Variants in CSNK1G1 observed in about 807,000 individuals in gnomAD.
CSNK1G1 encodes casein kinase I isoform gamma-1.
Under a neutral mutation model 59.6 loss-of-function variants are expected in CSNK1G1, and 22 were observed. That is an observed-to-expected ratio of 0.37 (90% CI 0.26 to 0.53). The LOEUF (loss-of-function observed/expected upper bound fraction) is 0.53. Ranked by LOEUF, CSNK1G1 falls within the 20% of genes least tolerant of loss-of-function variation. The pLI is 0.89. For synonymous variants in CSNK1G1, 179 were observed against 177.1 expected (o/e 1.01, Z -0.08); for missense variants, 384 against 519.5 (o/e 0.74, Z 2.54).
In CSNK1G1 at chr15:64,171,996, A is replaced by T. The variant is rs1284156362; in HGVS notation, c.1215-11T>A. ...AAGAAACAGCAGCACCTGGAGCACA[A>T]GGAACATTGCAAGTCAGTGCGGGAG... On this transcript the variant is annotated splice_polypyrimidine_tract_variant and intron_variant, in intron 11 of 11. Coordinates refer to ENST00000303052, the MANE Select transcript of CSNK1G1 (RefSeq NM_022048.5). This position sits in a 1 kb window ranked among gnomAD's most constrained non-coding sequence, Gnocchi z 4.8. 4.3e-6 allele frequency: 7 copies of T among 1,613,406 alleles called. No homozygotes were observed. The African/African-American group carries it at 6.7e-5, about 15-fold the overall frequency.
At chr15:64,314,099 G>T (rs948598385) in intron 1 of CSNK1G1, among the ~76,000 whole-genome samples, 1 of 152,112 alleles carries the variant, frequency 6.6e-6, no homozygotes, top group Non-Finnish European at 1.5e-5. Context: ...AATCAAAGAG[G>T]AAAGTTTTAT....
chr15:64,246,556 G>A (rs1443848392), intron 4 of CSNK1G1, among the ~76,000 whole-genome samples: 1 of 143,148 alleles, frequency 7.0e-6, no homozygotes, highest in Admixed American at 7.1e-5. Flanking sequence ...CAAAGAATTT[G>A]AGGCTGCAGC....
rs181461991 is a variant in CSNK1G1 at position 64,226,324 on chromosome 15, C to T, written c.293-9611G>A. Among the ~76,000 whole-genome samples, 225 of 152,116 alleles carry T rather than the reference C, an allele frequency of 1.5e-3. 3 individuals carry two copies. The highest frequency in any genetic ancestry group is 0.01 in the Admixed American group (160 of 15,280). ...CCTGTAATCCCAGCACTTTGGGAGGCCAAGGTGTATGGATCACGAGGTCAG... is the reference window on the plus strand; with the variant it reads ...CCTGTAATCCCAGCACTTTGGGAGGTCAAGGTGTATGGATCACGAGGTCAG... On this transcript the variant is annotated intron_variant, in intron 4 of 11. Transcript: ENST00000303052.
At chr15:64,241,665 T>TATAA (rs1181856529) in intron 4 of CSNK1G1, among the ~76,000 whole-genome samples, 1 of 152,088 alleles carries the variant, frequency 6.6e-6, no homozygotes, top group African/African-American at 2.4e-5. Flanking sequence ...TTAGAAACTG[T>TATAA]ATAAATACAT....
chr15:64,240,123 A>C (rs1253136649), intron 4 of CSNK1G1, among the ~76,000 whole-genome samples: 2 of 152,182 alleles, frequency 1.3e-5, no homozygotes, highest in Non-Finnish European at 2.9e-5. Flanking sequence ...AATCCCAGCT[A>C]CGCGGGAGGC....
chr15:64,207,354 T>TC (rs1000478025), intron 7 of CSNK1G1, among the ~76,000 whole-genome samples, 155 bp downstream of exon 7: 3 of 152,140 alleles, frequency 2.0e-5, no homozygotes, highest in African/African-American at 7.2e-5. Context: ...CAAGCAATCC[T>TC]CCCACCTCAG....
chr15:64,165,772 A>G lies in CSNK1G1; in HGVS notation c.*6159T>C. ...AAGACATTTTATTTTACATACAAAA[A>G]GGGTGCAAACTGAGTCCTTTCCTCC... On this transcript the variant is annotated 3_prime_UTR_variant, in exon 12 of 12. Coordinates refer to ENST00000303052, the MANE Select transcript of CSNK1G1 (RefSeq NM_022048.5). 1 of 372,982 alleles carries G rather than the reference A, an allele frequency of 2.7e-6. No homozygotes were observed. The highest frequency in any genetic ancestry group is 4.8e-6 in the Non-Finnish European group (1 of 209,954). The allele number at this position is 372,982 out of a possible 1,614,324, so 23.1% of individuals were successfully genotyped here.
intron 2 of CSNK1G1, among the ~76,000 whole-genome samples, chr15:64,281,031 C>T (rs917551458): frequency 1.3e-5 from 2 of 151,872 alleles, no homozygotes; most frequent in African/African-American, 2.4e-5. Context: ...AGGCACCCGC[C>T]ACCACGCCCG....
chr15:64,179,877 G>A (rs1413233706), intron 11 of CSNK1G1, among the ~76,000 whole-genome samples: 1 of 152,150 alleles, frequency 6.6e-6, no homozygotes, highest in African/African-American at 2.4e-5. Flanking sequence ...TTTCTTGCCT[G>A]ACTTAGTCTC....
intron 1 of CSNK1G1, among the ~76,000 whole-genome samples, chr15:64,315,481 C>A (rs532453933): frequency 6.6e-6 from 1 of 152,294 alleles, no homozygotes; most frequent in East Asian, 1.9e-4. Context: ...ATTTTCTAAA[C>A]GATTGACTCT....
chr15:64,284,921 T>C (rs919388423), intron 2 of CSNK1G1, among the ~76,000 whole-genome samples: 15 of 152,096 alleles, frequency 9.9e-5, no homozygotes, highest in Non-Finnish European at 2.9e-5. Flanking sequence ...TTATACTGTA[T>C]ACAAATTTTG....
chr15:64,311,399 A>T (rs2140422391), intron 1 of CSNK1G1, among the ~76,000 whole-genome samples: 1 of 152,364 alleles, frequency 6.6e-6, no homozygotes, highest in Non-Finnish European at 1.5e-5. Context: ...AAAGAATAAT[A>T]GCAATTACAG....
chr15:64,302,579 T>C (rs914927315), intron 1 of CSNK1G1, among the ~76,000 whole-genome samples: 8 of 152,198 alleles, frequency 5.3e-5, no homozygotes, highest in African/African-American at 1.9e-4. Flanking sequence ...TATTTCCTCA[T>C]TGTTTCTCCT....
intron 4 of CSNK1G1, among the ~76,000 whole-genome samples, chr15:64,226,617 T>C (rs1378984098): frequency 6.6e-6 from 1 of 151,160 alleles, no homozygotes. Context: ...TCAGCTCAGC[T>C]CAGTTACTAA....
intron 1 of CSNK1G1, chr15:64,315,898 T>C (rs1896238722): frequency 6.6e-6 from 1 of 152,252 alleles, no homozygotes; most frequent in South Asian, 2.1e-4. Flanking sequence ...ACTATATTTA[T>C]GCCCCCTTTC....
At chr15:64,352,776 T>C (rs1385245679) in intron 1 of CSNK1G1, among the ~76,000 whole-genome samples, 2 of 151,384 alleles carry the variant, frequency 1.3e-5, no homozygotes, top group African/African-American at 4.9e-5. Flanking sequence ...CAAAGAGACA[T>C]GGGGAAGAAA....
At chr15:64,345,292 A>G (rs1263262231) in intron 1 of CSNK1G1, among the ~76,000 whole-genome samples, 1 of 152,208 alleles carries the variant, frequency 6.6e-6, no homozygotes, top group African/African-American at 2.4e-5. Flanking sequence ...GACAGAATTG[A>G]AAATATTCAG....
intron 2 of CSNK1G1, among the ~76,000 whole-genome samples, chr15:64,290,602 G>A (rs996633818): frequency 6.6e-6 from 1 of 151,950 alleles, no homozygotes. Context: ...GGTGAGAAAT[G>A]AGAAATTATT....
intron 2 of CSNK1G1, among the ~76,000 whole-genome samples, chr15:64,270,230 A>AT (rs200790948): frequency 1.0e-3 from 150 of 147,154 alleles, no homozygotes; most frequent in Middle Eastern, 3.5e-3. Flanking sequence ...CTATTTATCA[A>AT]TTTTTTTTTT....
Sources: gnomAD v4.1 joint callset for allele counts (sites outside exome capture counted in the v4.1 genomes callset) on GRCh38, gnomAD v4.1.1 for gene constraint, Gnocchi (gnomAD v3.1) non-coding constraint, MANE v1.5 for transcripts, NCBI Gene and HGNC (gene_info 2026-07-23, HGNC 2026-07-21) for gene names.